GLIS3: variants seen among roughly 807,000 people sequenced by gnomAD.
GLIS3 encodes GLIS family zinc finger 3.
Under a neutral mutation model 78.6 loss-of-function variants are expected in GLIS3, and 53 were observed. The ratio of observed to expected loss-of-function variants is 0.67; its 90% confidence interval spans 0.54 to 0.85. GLIS3 has a LOEUF of 0.85. Among genes scored for constraint, GLIS3 ranks in the 40% least tolerant of loss-of-function variants. The probability of loss-of-function intolerance (pLI) is 0.00; values close to 1 mark genes in which losing one functional copy is unlikely to be tolerated. For synonymous variants in GLIS3, 684 were observed against 509.9 expected (o/e 1.34, Z -4.60); for missense variants, 1,703 against 1,231.1 (o/e 1.38, Z -5.74).
At chr9:3,857,249 C>T (rs932315815) in intron 8 of GLIS3, among the ~76,000 whole-genome samples, 2 of 152,124 alleles carry the variant, frequency 1.3e-5, no homozygotes, top group African/African-American at 4.8e-5. Flanking sequence ...GTTCCTTACA[C>T]TGTGTAGAAA....
chr9:4,239,305 C>T (rs1248462794), intron 2 of GLIS3, among the ~76,000 whole-genome samples: 1 of 150,032 alleles, frequency 6.7e-6, no homozygotes, highest in Non-Finnish European at 1.5e-5. Context: ...TACCCTAAAA[C>T]TTAAAAGTAT....
At chr9:4,198,920 A>G (rs545648349) in intron 2 of GLIS3, among the ~76,000 whole-genome samples, 1 of 152,250 alleles carries the variant, frequency 6.6e-6, no homozygotes, top group East Asian at 1.9e-4. Context: ...AGCATTCTTA[A>G]AGAAAAGAAA....
intron 4 of GLIS3, among the ~76,000 whole-genome samples, chr9:3,989,674 G>A (rs1414951456): frequency 6.6e-6 from 1 of 152,136 alleles, no homozygotes; most frequent in Middle Eastern, 3.2e-3. Context: ...TTTCTTAAAT[G>A]AAAAAAATTA....
rs568613083 is a variant in GLIS3, at chr9:4,007,906, G to C, written c.1711-70717C>G. On this transcript the variant is annotated intron_variant, in intron 4 of 10. Coordinates refer to ENST00000381971, the MANE Select transcript of GLIS3 (RefSeq NM_001042413.2). Reference sequence around the variant, plus strand: ...GGGGGTGGGTGGGCGTTGGGGGGGGGGGGTTACTCCAGTCTCTTATCACTC... The same window carrying C: ...GGGGGTGGGTGGGCGTTGGGGGGGGCGGGTTACTCCAGTCTCTTATCACTC... Among the ~76,000 whole-genome samples the C allele has an allele frequency of 2.3e-3, 348 of 149,378 alleles. 1 individual carries two copies. Among genetic ancestry groups the C allele is most frequent in the Middle Eastern group, 6.9e-3 (2 of 288 alleles).
At chr9:4,239,385 C>G (rs1236826558) in intron 2 of GLIS3, among the ~76,000 whole-genome samples, 1 of 149,414 alleles carries the variant, frequency 6.7e-6, no homozygotes, top group African/African-American at 2.5e-5. Context: ...TTTTTCTCTG[C>G]GATGAGGAAG....
At position 3,942,754 on chromosome 9, in the gene GLIS3, T is replaced by C. The variant is rs563430071; in HGVS notation, c.1711-5565A>G. Among the ~76,000 whole-genome samples, 23 of 152,270 alleles carry C rather than the reference T, an allele frequency of 1.5e-4. No individual in the cohort carries two copies. In the South Asian group the frequency reaches 4.8e-3, roughly 32 times the overall value. On this transcript the variant is annotated intron_variant, in intron 4 of 10. Transcript: ENST00000381971. ...ACCTGAGATCCTGCATTTCTAACAA[T>C]CTCCCAGGCGACACTTCTAAATGGT...
At chr9:4,435,352 T>C in the GLIS3 span, among the ~76,000 whole-genome samples, 4 of 152,172 alleles carry the variant, frequency 2.6e-5, no homozygotes, top group African/African-American at 9.7e-5. Context: ...CAAGGAAGGT[T>C]GGGTAATGTC....
the GLIS3 span, among the ~76,000 whole-genome samples, chr9:4,380,269 C>T: frequency 6.6e-6 from 1 of 152,140 alleles, no homozygotes; most frequent in Non-Finnish European, 1.5e-5. Flanking sequence ...TTTTAAATAA[C>T]TCTCTGCTGT....
At chr9:4,134,721 A>T (rs369393635) in intron 2 of GLIS3, among the ~76,000 whole-genome samples, 15 of 152,240 alleles carry the variant, frequency 9.9e-5, no homozygotes, top group African/African-American at 3.6e-4. Flanking sequence ...GCAAAATGGT[A>T]GGAACACTTC....
chr9:4,146,951 T>G (rs1834268709), intron 2 of GLIS3, among the ~76,000 whole-genome samples: 1 of 152,200 alleles, frequency 6.6e-6, no homozygotes, highest in African/African-American at 2.4e-5. Context: ...TCAATTTGAT[T>G]GTCCCAAAGC....
chr9:4,280,705 A>T (rs188665764), intron 2 of GLIS3, among the ~76,000 whole-genome samples: 1 of 152,040 alleles, frequency 6.6e-6, no homozygotes, highest in Admixed American at 6.6e-5. Flanking sequence ...ATCTGGGAGG[A>T]GTTGTTCTTT....
intron 2 of GLIS3, among the ~76,000 whole-genome samples, chr9:4,185,772 G>C (rs1311162274): frequency 6.6e-6 from 1 of 152,126 alleles, no homozygotes; most frequent in East Asian, 1.9e-4. Context: ...AAAGCTATAG[G>C]AATGAATCGC....
intron 4 of GLIS3, among the ~76,000 whole-genome samples, chr9:4,095,568 CT>C (rs1158066748): frequency 6.6e-6 from 1 of 152,136 alleles, no homozygotes; most frequent in Non-Finnish European, 1.5e-5. Context: ...GAGGAAGAGT[CT>C]GGGCCTAAGA....
Position 4,118,650 on chromosome 9 carries a change from C to T in GLIS3, c.828G>A (p.Thr276=). 3 of 1,614,048 alleles carry T rather than the reference C, an allele frequency of 1.9e-6. No homozygotes were observed. The highest frequency in any genetic ancestry group is 2.5e-6 in the Non-Finnish European group (3 of 1,179,978). The part of the protein sequence containing the change: ...SNSLPSYLFG[T]ESSHSPYPSP... ...TAGGGTAAGGAGAGTGGCTACTTTC[C>T]GTGCCAAAAAGGTAGGATGGTAATG... The change falls in exon 4 of 11, where the codon ACG becomes ACA. Residue 276 remains threonine (T), a synonymous_variant. Coordinates refer to ENST00000381971, the MANE Select transcript of GLIS3 (RefSeq NM_001042413.2). This position sits in a 1 kb window ranked among gnomAD's most constrained non-coding sequence, Gnocchi z 4.7.
At chr9:4,422,151 G>A in the GLIS3 span, among the ~76,000 whole-genome samples, 3 of 152,164 alleles carry the variant, frequency 2.0e-5, no homozygotes, top group Non-Finnish European at 4.4e-5. Flanking sequence ...TTGTGTTAAT[G>A]AAAAAGCACA....
intron 2 of GLIS3, among the ~76,000 whole-genome samples, chr9:4,157,644 TTAAA>T (rs1285604958): frequency 5.3e-5 from 8 of 152,228 alleles, no homozygotes; most frequent in African/African-American, 1.9e-4. Context: ...AGTGCTTGAC[TTAAA>T]TATTCAATCC....
intron 2 of GLIS3, among the ~76,000 whole-genome samples, chr9:4,172,087 A>G (rs10974362): frequency 0.1 from 15,411 of 152,212 alleles, 909 homozygotes; most frequent in African/African-American, 0.16. Flanking sequence ...ATTTAAGGCT[A>G]TATGAGAAAT....
chr9:4,427,688 G>C, the GLIS3 span, among the ~76,000 whole-genome samples: 1 of 151,822 alleles, frequency 6.6e-6, no homozygotes, highest in Non-Finnish European at 1.5e-5. Flanking sequence ...GTGAAACCCT[G>C]TCTCTACTAA....
At chr9:4,376,136 G>A in the GLIS3 span, among the ~76,000 whole-genome samples, 1 of 152,128 alleles carries the variant, frequency 6.6e-6, no homozygotes, top group Non-Finnish European at 1.5e-5. Flanking sequence ...AGTTGGGGTG[G>A]GGTTTGGTGT....
Sources: allele counts gnomAD v4.1 joint callset (sites outside exome capture counted in the v4.1 genomes callset), GRCh38; gene constraint gnomAD v4.1.1; non-coding constraint Gnocchi (gnomAD v3.1); transcripts MANE v1.5; gene names NCBI Gene and HGNC (gene_info 2026-07-23, HGNC 2026-07-21).